Variants in RHOH observed in about 807,000 individuals in gnomAD.
RHOH encodes rho-related GTP-binding protein RhoH.
A neutral mutation model predicts 13.8 loss-of-function variants in RHOH; 6 were observed. That is an observed-to-expected ratio of 0.44 (90% CI 0.24 to 0.86). The LOEUF is 0.86. RHOH is among the 40% of genes least tolerant of loss of function. The pLI, the probability that RHOH is intolerant of heterozygous loss-of-function variation, is 0.24. For synonymous variants in RHOH, 117 were observed against 103.0 expected (o/e 1.14, Z -0.82); for missense variants, 147 against 244.5 (o/e 0.60, Z 2.66).
chr4:40,213,362 T>TC, intron 1 of RHOH, among the ~76,000 whole-genome samples: 1 of 59,580 alleles, frequency 1.7e-5, no homozygotes, highest in Non-Finnish European at 5.1e-5. Context: ...TCGTTTCTCT[T>TC]TTTTTTTTTT....
At chr4:40,195,679 C>G (rs1723069549), upstream of RHOH, among the ~76,000 whole-genome samples, 1 of 152,088 alleles carries the variant, frequency 6.6e-6, no homozygotes, top group Admixed American at 6.6e-5. Context: ...CTCCTAGGTT[C>G]AAGCAATGCT....
chr4:40,199,537 TATGAG>T (rs1723689421), intron 1 of RHOH, among the ~76,000 whole-genome samples: 1 of 152,188 alleles, frequency 6.6e-6, no homozygotes, highest in Non-Finnish European at 1.5e-5. Flanking sequence ...TTCTCTAGCT[TATGAG>T]ATGAGAGAGG....
intron 1 of RHOH, among the ~76,000 whole-genome samples, chr4:40,227,820 A>C (rs7681926): frequency 0.76 from 114,884 of 152,042 alleles, 43,820 homozygotes; most frequent in Admixed American, 0.8. Context: ...AACAGATGAG[A>C]AAATTTTAAT....
chr4:40,229,627 G>T (rs549942042), intron 1 of RHOH, among the ~76,000 whole-genome samples: 4 of 132,662 alleles, frequency 3.0e-5, no homozygotes, highest in South Asian at 4.6e-4. Context: ...AGAGTGAAAC[G>T]CCATCTCAAA....
intron 1 of RHOH, among the ~76,000 whole-genome samples, chr4:40,207,793 C>G (rs974422177): frequency 1.3e-5 from 2 of 152,080 alleles, no homozygotes; most frequent in African/African-American, 2.4e-5. Flanking sequence ...ATAGTGAAAC[C>G]TGGTCTCTAC....
upstream of RHOH, among the ~76,000 whole-genome samples, chr4:40,192,701 C>T (rs1722753001): frequency 6.6e-6 from 1 of 152,136 alleles, no homozygotes; most frequent in Non-Finnish European, 1.5e-5. Flanking sequence ...TAAGTCTTTG[C>T]TTTTTCACCT....
Position 40,243,446 on chromosome 4 carries a change from G to A in RHOH, c.60G>A (p.Leu20=), listed in dbSNP as rs753940592. 2.5e-6 allele frequency: 4 copies of A among 1,613,352 alleles called. No homozygotes were observed. Among genetic ancestry groups the A allele is most frequent in the Non-Finnish European group, 3.4e-6 (4 of 1,179,656 alleles). The part of the protein sequence containing the change: ...VGDSAVGKTS[L]LVRFTSETFP... ...ACTCTGCTGTGGGGAAAACCTCTCT[G>A]TTGGTGCGCTTCACCTCCGAGACCT... The change falls in exon 3 of 3, where the codon CTG becomes CTA. Residue 20 remains leucine, a synonymous_variant. Coordinates refer to ENST00000381799, the MANE Select transcript of RHOH (RefSeq NM_004310.5). This position sits in a 1 kb window ranked among gnomAD's most constrained non-coding sequence, Gnocchi z 6.2.
intron 1 of RHOH, among the ~76,000 whole-genome samples, chr4:40,207,949 G>A (rs1724845304): frequency 6.6e-6 from 1 of 152,108 alleles, no homozygotes; most frequent in African/African-American, 2.4e-5. Context: ...CTGGGCAACA[G>A]AGTGAGACTT....
At chr4:40,193,435 C>T (rs1446061136), upstream of RHOH, among the ~76,000 whole-genome samples, 2 of 146,908 alleles carry the variant, frequency 1.4e-5, no homozygotes, top group Non-Finnish European at 3.0e-5. Context: ...TTCCTCCCCT[C>T]ACCACTACCC....
At chr4:40,231,688 T>C (rs1442385171) in intron 1 of RHOH, among the ~76,000 whole-genome samples, 1 of 152,204 alleles carries the variant, frequency 6.6e-6, no homozygotes, top group African/African-American at 2.4e-5. Flanking sequence ...CTGGGGCTTC[T>C]CTCCCTCTTT....
At chr4:40,213,934 T>G (rs544696539) in intron 1 of RHOH, among the ~76,000 whole-genome samples, 5 of 152,174 alleles carry the variant, frequency 3.3e-5, no homozygotes, top group Admixed American at 3.3e-4. Context: ...TTTTTGTATT[T>G]TTAGTGGAGA....
chr4:40,211,406 C>T (rs1183093255), intron 1 of RHOH, among the ~76,000 whole-genome samples: 1 of 152,136 alleles, frequency 6.6e-6, no homozygotes, highest in Non-Finnish European at 1.5e-5. Context: ...GCTGGGATTA[C>T]AGACGTGTAC....
At chr4:40,201,683 ATGTTGTT>A (rs1310315844) in intron 1 of RHOH, among the ~76,000 whole-genome samples, 2 of 152,170 alleles carry the variant, frequency 1.3e-5, no homozygotes, top group Non-Finnish European at 2.9e-5. Flanking sequence ...GGGGGCAAGC[ATGTTGTT>A]AAACGTTTAC....
intron 1 of RHOH, among the ~76,000 whole-genome samples, chr4:40,205,410 C>T (rs1387513258): frequency 2.0e-5 from 3 of 152,196 alleles, no homozygotes; most frequent in African/African-American, 7.2e-5. Context: ...TAGCATTAGC[C>T]GGTGGGTAAA....
intron 1 of RHOH, among the ~76,000 whole-genome samples, chr4:40,239,104 C>T (rs1728949065): frequency 6.6e-6 from 1 of 152,228 alleles, no homozygotes; most frequent in Non-Finnish European, 1.5e-5. Flanking sequence ...CAAGGCTTAT[C>T]ATCCATCTTT....
At chr4:40,240,249 G>A (rs957484640) in intron 1 of RHOH, 1 of 151,910 alleles carries the variant, frequency 6.6e-6, no homozygotes, top group Admixed American at 6.6e-5. Context: ...AGGCTGAGGC[G>A]AGAAGATCAC....
upstream of RHOH, among the ~76,000 whole-genome samples, chr4:40,192,192 G>A (rs1722733062): frequency 6.6e-6 from 1 of 152,132 alleles, no homozygotes; most frequent in South Asian, 2.1e-4. Context: ...GGGGAGCTGG[G>A]TGAGAATAAT....
chr4:40,232,351 A>C (rs1483171306), intron 1 of RHOH, among the ~76,000 whole-genome samples: 2 of 151,592 alleles, frequency 1.3e-5, no homozygotes, highest in Non-Finnish European at 2.9e-5. Flanking sequence ...CAGCCTCCCA[A>C]CTAGCTGGGA....
intron 1 of RHOH, among the ~76,000 whole-genome samples, chr4:40,215,732 C>T (rs1467818963): frequency 6.6e-6 from 1 of 152,122 alleles, no homozygotes; most frequent in African/African-American, 2.4e-5. Flanking sequence ...AGTTCAAGAC[C>T]AGCCTGGCCA....
Sources: gnomAD v4.1 joint callset for allele counts (sites outside exome capture counted in the v4.1 genomes callset) on GRCh38, gnomAD v4.1.1 for gene constraint, Gnocchi (gnomAD v3.1) non-coding constraint, MANE v1.5 for transcripts, NCBI Gene and HGNC (gene_info 2026-07-23, HGNC 2026-07-21) for gene names.